The following YWHAE variants were observed in gnomAD, a reference collection of about 807,000 sequenced individuals.
The protein encoded by YWHAE is tyrosine 3-monooxygenase/tryptophan 5-monooxygenase activation protein epsilon.
In YWHAE, 4 loss-of-function variants were observed where a neutral mutation model predicts 30.1. The observed-to-expected ratio is 0.13, with a 90% CI of 0.07 to 0.30. YWHAE has a LOEUF of 0.30. Ranked by LOEUF, YWHAE falls within the 10% of genes least tolerant of loss-of-function variation. The pLI, the probability that YWHAE is intolerant of heterozygous loss-of-function variation, is 1.00. For synonymous variants in YWHAE, 118 were observed against 111.8 expected (o/e 1.06, Z -0.35); for missense variants, 121 against 315.9 (o/e 0.38, Z 4.68).
chr17:1,383,279 G>C (rs1186671942), intron 1 of YWHAE, among the ~76,000 whole-genome samples: 4 of 152,126 alleles, frequency 2.6e-5, no homozygotes, highest in African/African-American at 9.7e-5. Context: ...GATCCTGGGA[G>C]GACGAGGTTT....
rs61245381 is a variant in YWHAE at position 1,380,641 on chromosome 17, C to T, written c.65-15583G>A. 6.6e-3 allele frequency among the ~76,000 whole-genome samples: 1,011 copies of T among 152,242 alleles called. 15 individuals are homozygous for T. Among genetic ancestry groups the T allele is most frequent in the African/African-American group, 0.016 (672 of 41,550 alleles). On this transcript the variant is annotated intron_variant, in intron 1 of 5. Transcript: ENST00000264335. ...CAAAAAAACAAAACCGGAATCCAGACGGGTGGGGGTGTTAATGTGCCTGAT... is the reference window on the plus strand; with the variant it reads ...CAAAAAAACAAAACCGGAATCCAGATGGGTGGGGGTGTTAATGTGCCTGAT...
At chr17:1,349,439 G>A (rs1455337966) in intron 5 of YWHAE, among the ~76,000 whole-genome samples, 2 of 151,972 alleles carry the variant, frequency 1.3e-5, no homozygotes, top group East Asian at 1.9e-4. Flanking sequence ...TAGTTGTACC[G>A]GAATGTCAAC....
intron 2 of YWHAE, among the ~76,000 whole-genome samples, chr17:1,363,582 A>G (rs768845031): frequency 2.6e-5 from 4 of 152,062 alleles, no homozygotes; most frequent in Admixed American, 6.6e-5. Context: ...ACAACTTTCT[A>G]TGTGACCTCA....
intron 1 of YWHAE, among the ~76,000 whole-genome samples, 159 bp from the exon 2 acceptor site, chr17:1,365,217 A>G (rs1017647028): frequency 1.2e-4 from 18 of 151,168 alleles, no homozygotes; most frequent in South Asian, 2.1e-4. Flanking sequence ...AGCCAAAAAC[A>G]TGTAAAGGAA....
chr17:1,369,637 C>G (rs1262624844), intron 1 of YWHAE: 1 of 152,192 alleles, frequency 6.6e-6, no homozygotes, highest in Non-Finnish European at 1.5e-5. Context: ...CGAACCCCAG[C>G]CCGGTCAACC....
chr17:1,385,012 T>C (rs1368679090), intron 1 of YWHAE, among the ~76,000 whole-genome samples: 4 of 151,882 alleles, frequency 2.6e-5, no homozygotes, highest in Non-Finnish European at 5.9e-5. Flanking sequence ...TTGTTTTTTC[T>C]TTTTAGAGGA....
intron 1 of YWHAE, among the ~76,000 whole-genome samples, chr17:1,391,449 G>A (rs2073388404): frequency 6.6e-6 from 1 of 152,114 alleles, no homozygotes; most frequent in South Asian, 2.1e-4. Context: ...TTGTTGCCCA[G>A]GACAATCCCA....
chr17:1,345,467 C>T lies in YWHAE; in HGVS notation c.748G>A (p.Val250Met). Residue 250 changes from valine to methionine, a missense_variant, in exon 6 of 6, where the codon GTG becomes ATG. Coordinates refer to ENST00000264335, the MANE Select transcript of YWHAE (RefSeq NM_006761.5). ...ATGTCTCACTGATTTTCGTCTTCCACGTCCTGCAGCGCTTCTTTATTCTGC... is the reference window on the plus strand; with the variant it reads ...ATGTCTCACTGATTTTCGTCTTCCATGTCCTGCAGCGCTTCTTTATTCTGC... ...EEQNKEALQD[V>M]EDENQ The T allele has an allele frequency of 1.2e-6, 2 of 1,613,682 alleles. No individual in the cohort carries two copies. The highest frequency in any genetic ancestry group is 1.7e-6 in the Non-Finnish European group (2 of 1,179,832).
At chr17:1,354,422 A>G in intron 4 of YWHAE, 75 bp from the exon 5 acceptor site, 1 of 1,432,092 alleles carries the variant, frequency 7.0e-7, no homozygotes, top group East Asian at 2.3e-5. Context: ...CTAGACAGCA[A>G]TCTTTTCTTC....
At chr17:1,398,860 G>C (rs1358716073) in intron 1 of YWHAE, 1 of 152,136 alleles carries the variant, frequency 6.6e-6, no homozygotes, top group African/African-American at 2.4e-5. Flanking sequence ...AACGAACAAA[G>C]AGGACCTACT....
At chr17:1,359,527 C>CT (rs1176607256) in intron 4 of YWHAE, among the ~76,000 whole-genome samples, 10 of 152,022 alleles carry the variant, frequency 6.6e-5, no homozygotes, top group Admixed American at 6.6e-4. Flanking sequence ...ACTAAAAGGA[C>CT]TGAAGCTCTG....
intron 1 of YWHAE, among the ~76,000 whole-genome samples, chr17:1,390,082 G>T (rs1202862273): frequency 6.6e-6 from 1 of 151,960 alleles, no homozygotes; most frequent in Non-Finnish European, 1.5e-5. Context: ...GACCTCAGGT[G>T]ATCCGCCCAA....
chr17:1,371,118 T>A (rs911639994), intron 1 of YWHAE, among the ~76,000 whole-genome samples: 2 of 152,158 alleles, frequency 1.3e-5, no homozygotes, highest in Non-Finnish European at 2.9e-5. Flanking sequence ...AGAGTCACAC[T>A]CTGTCACCCA....
chr17:1,355,030 G>A (rs1213725361), intron 4 of YWHAE, among the ~76,000 whole-genome samples: 1 of 101,544 alleles, frequency 9.8e-6, no homozygotes, highest in Non-Finnish European at 1.8e-5. Context: ...GGCTGGACTT[G>A]AACTCCTGCG....
chr17:1,394,487 T>TC (rs1348647593), intron 1 of YWHAE, among the ~76,000 whole-genome samples: 1 of 140,962 alleles, frequency 7.1e-6, no homozygotes, highest in Non-Finnish European at 1.5e-5. Flanking sequence ...GGTGCAACAG[T>TC]CCCAGCTACT....
intron 5 of YWHAE, among the ~76,000 whole-genome samples, chr17:1,349,406 T>C (rs2072583208): frequency 6.6e-6 from 1 of 152,192 alleles, no homozygotes; most frequent in Admixed American, 6.6e-5. Flanking sequence ...GTACCCACAA[T>C]TATTTGTGTA....
chr17:1,399,837 G>C (rs539762808), intron 1 of YWHAE: 2 of 604,406 alleles, frequency 3.3e-6, no homozygotes, highest in Non-Finnish European at 5.7e-6. Flanking sequence ...CCCGCGAGTT[G>C]TTTGCAGTTA....
intron 5 of YWHAE, among the ~76,000 whole-genome samples, chr17:1,347,112 G>A (rs1437784840): frequency 6.7e-6 from 1 of 149,252 alleles, no homozygotes; most frequent in Non-Finnish European, 1.5e-5. Flanking sequence ...TGGATCATGA[G>A]GTCAGGAGAT....
intron 1 of YWHAE, among the ~76,000 whole-genome samples, chr17:1,386,361 C>T (rs2073300142): frequency 6.6e-6 from 1 of 152,134 alleles, no homozygotes; most frequent in Non-Finnish European, 1.5e-5. Context: ...CTTAATTACA[C>T]ATAGGAACAG....
Sources: gnomAD v4.1 joint callset for allele counts (sites outside exome capture counted in the v4.1 genomes callset) on GRCh38, gnomAD v4.1.1 for gene constraint, MANE v1.5 for transcripts, NCBI Gene and HGNC (gene_info 2026-07-23, HGNC 2026-07-21) for gene names.